MYH9: variants seen among roughly 807,000 people sequenced by gnomAD.
The protein encoded by MYH9 is myosin-9.
MYH9 carries 29 observed loss-of-function variants against 241.9 expected under a neutral mutation model. That is an observed-to-expected ratio of 0.12 (90% CI 0.09 to 0.16). The LOEUF (loss-of-function observed/expected upper bound fraction) is 0.16, where lower values mean the gene tolerates loss of function less well. Ranked by LOEUF, MYH9 falls within the 10% of genes least tolerant of loss-of-function variation. The pLI is 1.00. For synonymous variants in MYH9, 1,047 were observed against 1,062.6 expected (o/e 0.99, Z 0.29); for missense variants, 1,803 against 2,595.5 (o/e 0.69, Z 6.63).
chr22:36,381,261 T>A (rs2018251033), intron 1 of MYH9, among the ~76,000 whole-genome samples: 1 of 152,178 alleles, frequency 6.6e-6, no homozygotes, highest in African/African-American at 2.4e-5. Context: ...ATGCCTGTAA[T>A]CCCAGCACTT....
At chr22:36,344,136 C>A (rs918216747) in intron 2 of MYH9, among the ~76,000 whole-genome samples, 3 of 152,250 alleles carry the variant, frequency 2.0e-5, no homozygotes, top group East Asian at 1.9e-4. Flanking sequence ...CTAAGCCCTG[C>A]GGAAAGAGCA....
At chr22:36,348,835 A>AGGGGGGGGGGGGGGGGGGGGGGGGGGGG in intron 2 of MYH9, 69 bp downstream of exon 2, 1 of 869,014 alleles carries the variant, frequency 1.2e-6, no homozygotes, top group Non-Finnish European at 1.7e-6. Context: ...GGTGATGGGA[A>AGGGGGGGGGGGGGGGGGGGGGGGGGGGG]GACCCGCCCC....
chr22:36,343,567 A>G (rs1329350591), intron 2 of MYH9, among the ~76,000 whole-genome samples: 2 of 150,214 alleles, frequency 1.3e-5, no homozygotes, highest in Non-Finnish European at 3.0e-5. Flanking sequence ...AAAAAAAAAA[A>G]GAGCAGCTGA....
At chr22:36,286,097 A>G in intron 35 of MYH9, 144 bp from the exon 36 acceptor site, 1 of 794,678 alleles carries the variant, frequency 1.3e-6, no homozygotes. Flanking sequence ...TCTAGCTCAC[A>G]GGGCTGGTGC....
intron 1 of MYH9, among the ~76,000 whole-genome samples, chr22:36,351,482 G>A (rs1216613829): frequency 6.6e-6 from 1 of 152,174 alleles, no homozygotes; most frequent in Non-Finnish European, 1.5e-5. Context: ...GCAGCCTCCA[G>A]GGCACCACCA....
intron 2 of MYH9, among the ~76,000 whole-genome samples, chr22:36,342,253 A>G (rs2017601882): frequency 6.6e-6 from 1 of 152,194 alleles, no homozygotes; most frequent in South Asian, 2.1e-4. Flanking sequence ...ATCAAATTCA[A>G]ATAAGACCCC....
At chr22:36,324,092 A>C (rs1194354149) in intron 5 of MYH9, among the ~76,000 whole-genome samples, 1 of 152,180 alleles carries the variant, frequency 6.6e-6, no homozygotes, top group African/African-American at 2.4e-5. Flanking sequence ...GACAGAAGGG[A>C]GCGCGGCCCC....
intron 14 of MYH9, 106 bp from the exon 15 acceptor site, chr22:36,309,502 G>A (rs974070799): frequency 4.7e-5 from 38 of 807,932 alleles, no homozygotes; most frequent in Non-Finnish European, 7.2e-5. Context: ...GTCAGAAAAC[G>A]TGAAGACCCT....
At position 36,285,210 on chromosome 22, in the gene MYH9, C is replaced by A; in HGVS notation, c.5394G>T (p.Glu1798Asp). 1 of 1,614,206 alleles carries A rather than the reference C, an allele frequency of 6.2e-7. No homozygotes were observed. The highest frequency in any genetic ancestry group is 8.5e-7 in the Non-Finnish European group (1 of 1,180,034). Residue 1798 changes from glutamate (E) to aspartate (D), a missense_variant, in exon 38 of 41, where the codon GAG becomes GAT. By Grantham distance (45) the Glu-to-Asp change is conservative. Coordinates refer to ENST00000216181, the MANE Select transcript of MYH9 (RefSeq NM_002473.6). The surrounding 1 kb of genome is among the most constrained non-coding windows in gnomAD (Gnocchi z 7.0). ...CCTTGTACTTGGACTTGACAGTGCC[C>A]TCCATCTCCTGCAGCTTGACCTTAA... ...KELKVKLQEM[E>D]GTVKSKYKAS... is the part of the protein sequence containing the mutation.
intron 5 of MYH9, 27 bp from the exon 6 acceptor site, chr22:36,322,548 A>AGGCCGGGCAGCGACCTGGGC: frequency 6.2e-7 from 1 of 1,611,812 alleles, no homozygotes; most frequent in South Asian, 1.1e-5. Context: ...GACGCAGTGA[A>AGGCCGGGCAGCGACCTGGGC]GGCCGGGCAG....
chr22:36,304,443 A>G (rs775020354), intron 18 of MYH9, among the ~76,000 whole-genome samples: 4 of 152,234 alleles, frequency 2.6e-5, no homozygotes, highest in Non-Finnish European at 4.4e-5. Flanking sequence ...AAGAACGTGA[A>G]GTAAAACAAG....
Position 36,305,102 on chromosome 22 carries a change from T to C in MYH9, c.2160A>G (p.Arg720=), listed in dbSNP as rs772179718. 6 of 1,613,264 alleles carry C rather than the reference T, an allele frequency of 3.7e-6. No individual in the cohort carries two copies. The highest frequency in any genetic ancestry group is 5.1e-6 in the Non-Finnish European group (6 of 1,179,204). ...NRVVFQEFRQ[R]YEILTPNSIP... ...TGGAGTTTGGAGTCAGGATCTCATA[T>C]CTGAGGAAGGAAAGAGAAGCCTGGT... The change falls in exon 18 of 41, where the codon AGA becomes AGG. Residue 720 remains arginine, a splice_region_variant and synonymous_variant. Transcript: ENST00000216181. The surrounding 1 kb of genome is among the most constrained non-coding windows in gnomAD (Gnocchi z 4.7).
At chr22:36,316,986 C>T (rs2146359659) in intron 11 of MYH9, among the ~76,000 whole-genome samples, 1 of 151,414 alleles carries the variant, frequency 6.6e-6, no homozygotes, top group Non-Finnish European at 1.5e-5. Flanking sequence ...GGCCGTACCA[C>T]CCTAAATGCA....
chr22:36,299,109 C>T lies in MYH9; in HGVS notation c.2977-67G>A. 3.7e-6 allele frequency: 6 copies of T among 1,607,036 alleles called. No homozygotes were observed. In the South Asian group the frequency reaches 6.6e-5, roughly 18 times the overall value. ...CACAGAACACTTGCTAGCCTCAAAG[C>T]ATGACTCGCCCGGAAATCTGGGGCT... On this transcript the variant is annotated intron_variant, in intron 23 of 40. Transcript: ENST00000216181.
At chr22:36,385,673 C>T (rs1260222271) in intron 1 of MYH9, among the ~76,000 whole-genome samples, 1 of 152,162 alleles carries the variant, frequency 6.6e-6, no homozygotes, top group African/African-American at 2.4e-5. Context: ...GGCTGGGGAG[C>T]TCCCCAGAGC....
In MYH9 at chr22:36,387,956, G is replaced by C. The variant is rs2018384578; in HGVS notation, c.-169C>G. ...GCCTTCCGTGCCCTGCCCAGGAACC[G>C]CGGTGATCTGCGCGCCTCACCGCAC... On this transcript the variant is annotated 5_prime_UTR_variant, in exon 1 of 41. Coordinates refer to ENST00000216181, the MANE Select transcript of MYH9 (RefSeq NM_002473.6). 6.6e-6 allele frequency: 1 copy of C among 152,164 alleles called. No individual in the cohort carries two copies. Among genetic ancestry groups the C allele is most frequent in the Admixed American group, 6.5e-5 (1 of 15,278 alleles). 9.4% of individuals were successfully genotyped at this position (152,164 alleles called of 1,614,324 possible).
At chr22:36,331,158 C>T (rs544708154) in intron 3 of MYH9, among the ~76,000 whole-genome samples, 1 of 152,168 alleles carries the variant, frequency 6.6e-6, no homozygotes, top group African/African-American at 2.4e-5. Flanking sequence ...TTCCGCTCTT[C>T]CCCACGCAAT....
intron 1 of MYH9, among the ~76,000 whole-genome samples, chr22:36,354,531 G>A (rs1394378600): frequency 6.0e-5 from 9 of 150,828 alleles, no homozygotes; most frequent in African/African-American, 1.2e-4. Context: ...TGCAACCTCC[G>A]CTTCCCAGGT....
At position 36,289,195 on chromosome 22, in the gene MYH9, G is replaced by C; in HGVS notation, c.4447C>G (p.Arg1483Gly). Residue 1483 changes from arginine (R) to glycine (G), a missense_variant, in exon 32 of 41, where the codon CGG (arginine) becomes GGG (glycine). Coordinates refer to ENST00000216181, the MANE Select transcript of MYH9 (RefSeq NM_002473.6). ...EKETKALSLA[R>G]ALEEAMEQKA... ...TGCTCCATGGCTTCCTCCAGGGCCC[G>C]GGCCAGCGACAGAGCCTTGGTCTCC... 6.2e-7 allele frequency: 1 copy of C among 1,613,444 alleles called. No homozygotes were observed. The highest frequency in any genetic ancestry group is 8.5e-7 in the Non-Finnish European group (1 of 1,180,036).
Sources: gnomAD v4.1 joint callset for allele counts (sites outside exome capture counted in the v4.1 genomes callset) on GRCh38, gnomAD v4.1.1 for gene constraint, Gnocchi (gnomAD v3.1) non-coding constraint, MANE v1.5 for transcripts, NCBI Gene and HGNC (gene_info 2026-07-23, HGNC 2026-07-21) for gene names.